The following SI variants were observed in gnomAD, a reference collection of about 807,000 sequenced individuals.
SI encodes the protein sucrase-isomaltase, also known as sucrase-isomaltase, intestinal.
A neutral mutation model predicts 253.3 loss-of-function variants in SI; 235 were observed. The ratio of observed to expected loss-of-function variants is 0.93; its 90% confidence interval spans 0.83 to 1.03. The LOEUF is 1.03. Among genes scored for constraint, SI ranks in the 50% least tolerant of loss-of-function variants. SI has a pLI of 0.00. For synonymous variants in SI, 819 were observed against 712.0 expected (o/e 1.15, Z -2.39); for missense variants, 2,442 against 2,211.1 (o/e 1.10, Z -2.09).
At chr3:164,980,808 G>A (rs989606813) in intron 47 of SI, among the ~76,000 whole-genome samples, 1 of 151,782 alleles carries the variant, frequency 6.6e-6, no homozygotes. Context: ...ATCTTATTTG[G>A]CATTGTTTAT....
At chr3:165,028,165 C>T (rs376824117) in intron 25 of SI, among the ~76,000 whole-genome samples, 1 of 151,160 alleles carries the variant, frequency 6.6e-6, no homozygotes, top group Admixed American at 6.6e-5. Context: ...AGAATCAAAT[C>T]AAAAACTCAA....
At chr3:165,084,250 T>C in the SI span, among the ~76,000 whole-genome samples, 1 of 152,082 alleles carries the variant, frequency 6.6e-6, no homozygotes, top group African/African-American at 2.4e-5. Context: ...TGGCAGCATA[T>C]TGATCTTGGA....
intron 16 of SI, among the ~76,000 whole-genome samples, chr3:165,043,549 A>T (rs1712961312): frequency 6.6e-6 from 1 of 152,012 alleles, no homozygotes; most frequent in South Asian, 2.1e-4. Context: ...TTTATAATAT[A>T]ATATGTAACT....
At position 164,983,024 on chromosome 3, in the gene SI, G is replaced by C. The variant is rs1485860984; in HGVS notation, c.5225C>G (p.Ser1742Cys). 2 of 1,545,764 alleles carry C rather than the reference G, an allele frequency of 1.3e-6. No individual in the cohort carries two copies. Among genetic ancestry groups the C allele is most frequent in the South Asian group, 2.2e-5 (2 of 89,984 alleles). The change falls in exon 46 of 48, where the codon TCT becomes TGT. Residue 1742 changes from serine to cysteine, a missense_variant. Transcript: ENST00000264382. ...TACCTGGTTTAAATTAAATTGTACA[G>C]ATAAATATAGGTCTCTTTCATAGGT... ...IDTYERDLYL[S>C]VQFNLNQTTL...
intron 15 of SI, among the ~76,000 whole-genome samples, chr3:165,047,430 T>G (rs1416030679): frequency 6.6e-6 from 1 of 152,106 alleles, no homozygotes; most frequent in Non-Finnish European, 1.5e-5. Flanking sequence ...AATTGCCCAG[T>G]CTCAGGTATG....
intron 7 of SI, among the ~76,000 whole-genome samples, chr3:165,063,873 A>G (rs1215117332): frequency 1.3e-5 from 2 of 150,084 alleles, no homozygotes; most frequent in Admixed American, 6.7e-5. Flanking sequence ...GATTGAAACC[A>G]TCCTGGCTAA....
intron 25 of SI, among the ~76,000 whole-genome samples, chr3:165,027,505 A>G (rs1711991591): frequency 6.6e-6 from 1 of 151,528 alleles, no homozygotes; most frequent in South Asian, 2.1e-4. Context: ...TAACCAAAAA[A>G]GAAAACTACA....
At chr3:165,059,810 A>G (rs1459859387) in intron 10 of SI, 92 bp downstream of exon 10, 4 of 1,261,744 alleles carry the variant, frequency 3.2e-6, no homozygotes, top group South Asian at 1.2e-5. Context: ...TATAATGTAT[A>G]TAGTAGATAC....
In SI at chr3:165,046,835, T is replaced by C; in HGVS notation, c.1887+6A>G. On this transcript the variant is annotated splice_donor_region_variant and intron_variant, in intron 16 of 47. Transcript: ENST00000264382. The stretch of plus-strand genomic sequence containing the variant: ...TTATGAGTAACACTCTATGAAACTG[T>C]CTTACCAAAGGTATTCCAAACAAAC... 1 of 1,608,324 alleles carries C rather than the reference T, an allele frequency of 6.2e-7. No individual in the cohort carries two copies. Among genetic ancestry groups the C allele is most frequent in the Non-Finnish European group, 8.5e-7 (1 of 1,175,166 alleles).
intron 24 of SI, 120 bp downstream of exon 24, chr3:165,032,402 C>A: frequency 3.3e-6 from 2 of 605,454 alleles, no homozygotes; most frequent in Non-Finnish European, 5.6e-6. Context: ...AAGAAGGAAG[C>A]AACGAAGGGA....
In SI at chr3:165,009,259, A is replaced by G; in HGVS notation, c.4179+20T>C. 1 of 1,470,002 alleles carries G rather than the reference A, an allele frequency of 6.8e-7. No homozygotes were observed. Among genetic ancestry groups the G allele is most frequent in the Non-Finnish European group, 9.5e-7 (1 of 1,048,840 alleles). 91.1% of individuals were successfully genotyped at this position (1,470,002 alleles called of 1,614,324 possible). The stretch of plus-strand genomic sequence containing the variant: ...GCACAATAAATAACTTAAAACATAG[A>G]TTGTTCAAAGCTTACTTACAATCCA... On this transcript the variant is annotated intron_variant, in intron 35 of 47. Coordinates refer to ENST00000264382, the MANE Select transcript of SI (RefSeq NM_001041.4).
chr3:165,028,687 G>A (rs889110690), intron 25 of SI, among the ~76,000 whole-genome samples: 3 of 151,278 alleles, frequency 2.0e-5, no homozygotes, highest in Non-Finnish European at 4.4e-5. Flanking sequence ...ATAAAGTGAG[G>A]AAAGGACATC....
the SI span, among the ~76,000 whole-genome samples, chr3:165,084,542 A>G: frequency 6.6e-6 from 1 of 152,174 alleles, no homozygotes; most frequent in East Asian, 1.9e-4. Context: ...TATGAAATAC[A>G]CAAAAATTAA....
intron 44 of SI, among the ~76,000 whole-genome samples, chr3:164,988,398 C>T (rs1717544150): frequency 6.6e-6 from 1 of 152,012 alleles, no homozygotes; most frequent in Non-Finnish European, 1.5e-5. Context: ...TGCAATTTCC[C>T]AACATATACT....
chr3:165,008,122 C>G (rs948757490), intron 35 of SI, 124 bp from the exon 36 acceptor site: 1 of 513,038 alleles, frequency 1.9e-6, no homozygotes, highest in Admixed American at 3.3e-5. Context: ...ACTCACTATT[C>G]TAAACAAACA....
intron 25 of SI, among the ~76,000 whole-genome samples, chr3:165,028,176 C>T (rs931452649): frequency 6.6e-6 from 1 of 151,128 alleles, no homozygotes; most frequent in African/African-American, 2.4e-5. Flanking sequence ...AAAAACTCAA[C>T]CTCTTTTACA....
In SI at chr3:165,017,961, T is replaced by C. The variant is rs750383978; in HGVS notation, c.3520+9A>G. 1.5e-5 allele frequency: 24 copies of C among 1,598,280 alleles called. No individual in the cohort carries two copies. The South Asian group carries it at 2.6e-4, about 18-fold the overall frequency. On this transcript the variant is annotated intron_variant, in intron 29 of 47. Transcript: ENST00000264382. ...AAAATAAGAGACATTCAACAAATGA[T>C]TGTTTTACCCATTGCATTGCTGTTG...
chr3:165,035,955 C>T (rs951908088), intron 22 of SI, among the ~76,000 whole-genome samples: 7 of 151,626 alleles, frequency 4.6e-5, no homozygotes, highest in East Asian at 1.9e-4. Flanking sequence ...ACAATTGATA[C>T]GATGATATTC....
intron 47 of SI, among the ~76,000 whole-genome samples, chr3:164,981,976 A>G (rs1576863787): frequency 6.6e-6 from 1 of 152,172 alleles, no homozygotes; most frequent in African/African-American, 2.4e-5. Flanking sequence ...TTTATCATAT[A>G]GGGATAACAG....
Sources: gnomAD v4.1 joint callset for allele counts (sites outside exome capture counted in the v4.1 genomes callset) on GRCh38, gnomAD v4.1.1 for gene constraint, MANE v1.5 for transcripts, NCBI Gene and HGNC (gene_info 2026-07-23, HGNC 2026-07-21) for gene names.